SCARA5: variants seen among roughly 807,000 people sequenced by gnomAD.
SCARA5 encodes the protein scavenger receptor class A, member 5 (putative).
In SCARA5, 45 loss-of-function variants were observed where a neutral mutation model predicts 46.3. The ratio of observed to expected loss-of-function variants is 0.97; its 90% CI spans 0.76 to 1.24. SCARA5 has a LOEUF of 1.24. Among genes scored for constraint, SCARA5 ranks in the 50% most tolerant of loss-of-function variants. The pLI is 0.00. For missense variants in SCARA5, 680 were observed against 689.0 expected (o/e 0.99, Z 0.15); for synonymous variants, 333 against 306.5 (o/e 1.09, Z -0.90).
intron 3 of SCARA5, among the ~76,000 whole-genome samples, chr8:27,951,835 A>C (rs1243000974): frequency 1.3e-5 from 2 of 152,202 alleles, no homozygotes; most frequent in East Asian, 3.9e-4. Context: ...CGAACACACC[A>C]GAGAATTCCA....
chr8:27,921,932 G>A lies in SCARA5; in HGVS notation c.555C>T (p.Leu185=). The stretch of plus-strand genomic sequence containing the variant: ...TGTTGCTCTCCACCTGCAGCTGGTA[G>A]AGCTCCAGCTGCGCCGTGTCGCTCT... ...GQQSDTAQLE[L]YQLQVESNSS... is the part of the protein sequence containing the mutation. The change falls in exon 4 of 9, where the codon CTC becomes CTT. Residue 185 remains leucine, a synonymous_variant. Coordinates refer to ENST00000354914, the MANE Select transcript of SCARA5 (RefSeq NM_173833.6). The A allele has an allele frequency of 6.5e-7, 1 of 1,536,608 alleles. No individual in the cohort carries two copies. Among genetic ancestry groups the A allele is most frequent in the African/African-American group, 1.4e-5 (1 of 71,252 alleles).
chr8:27,986,419 G>C lies in SCARA5; in HGVS notation c.112+1085C>G, dbSNP rs114369574. On this transcript the variant is annotated intron_variant, in intron 2 of 8. Coordinates refer to ENST00000354914, the MANE Select transcript of SCARA5 (RefSeq NM_173833.6). Reference sequence around the variant, plus strand: ...CTTCTACTGGGATCATAAGCCCTTTGAGGACAGAGATTTTTTAATTTGTGT... The same window carrying C: ...CTTCTACTGGGATCATAAGCCCTTTCAGGACAGAGATTTTTTAATTTGTGT... Among the ~76,000 whole-genome samples, 1,492 of 152,270 alleles carry C rather than the reference G, an allele frequency of 9.8e-3. 31 individuals carry two copies. Among genetic ancestry groups the C allele is most frequent in the African/African-American group, 0.034 (1,416 of 41,522 alleles).
At chr8:27,973,749 A>G (rs894423102) in intron 2 of SCARA5, among the ~76,000 whole-genome samples, 1 of 152,216 alleles carries the variant, frequency 6.6e-6, no homozygotes, top group Admixed American at 6.5e-5. Flanking sequence ...GGCATTTGTC[A>G]TATCAAAAGG....
At chr8:27,882,071 G>C (rs1430868344) in intron 7 of SCARA5, among the ~76,000 whole-genome samples, 1 of 152,150 alleles carries the variant, frequency 6.6e-6, no homozygotes, top group Non-Finnish European at 1.5e-5. Context: ...GGCAACCACT[G>C]ATCTTTTCAC....
At chr8:27,941,993 AT>A (rs998600865) in intron 3 of SCARA5, among the ~76,000 whole-genome samples, 1 of 151,406 alleles carries the variant, frequency 6.6e-6, no homozygotes, top group Non-Finnish European at 1.5e-5. Context: ...CACTCTGCTA[AT>A]TTTTTTGTAT....
At chr8:27,941,531 T>C (rs1807944650) in intron 3 of SCARA5, among the ~76,000 whole-genome samples, 1 of 152,130 alleles carries the variant, frequency 6.6e-6, no homozygotes, top group Admixed American at 6.6e-5. Context: ...GCAGATATTA[T>C]CTCATTTGAG....
intron 4 of SCARA5, among the ~76,000 whole-genome samples, chr8:27,915,056 C>T (rs2685335): frequency 0.51 from 78,137 of 151,970 alleles, 20,707 homozygotes; most frequent in Non-Finnish European, 0.58. Context: ...GTCAAAACCA[C>T]CCCCAGAACC....
At chr8:27,875,664 A>C (rs1234738593) in intron 8 of SCARA5, among the ~76,000 whole-genome samples, 3 of 152,024 alleles carry the variant, frequency 2.0e-5, no homozygotes, top group Admixed American at 1.3e-4. Context: ...CAGGAGGCCA[A>C]CTAAGAAGAT....
chr8:27,968,507 C>G (rs115996682), intron 2 of SCARA5, among the ~76,000 whole-genome samples: 1 of 152,184 alleles, frequency 6.6e-6, no homozygotes, highest in Admixed American at 6.5e-5. Context: ...TATGTAGGCT[C>G]CTGGTAGCAT....
intron 8 of SCARA5, among the ~76,000 whole-genome samples, chr8:27,877,005 C>T (rs1242003039): frequency 6.6e-6 from 1 of 152,136 alleles, no homozygotes; most frequent in African/African-American, 2.4e-5. Flanking sequence ...CATTAAAACC[C>T]TTGGCACATG....
At chr8:27,970,157 C>G (rs1186219760) in intron 2 of SCARA5, among the ~76,000 whole-genome samples, 2 of 152,184 alleles carry the variant, frequency 1.3e-5, no homozygotes, top group African/African-American at 2.4e-5. Context: ...TGAGCGCCCA[C>G]AGAGAGGCTT....
intron 3 of SCARA5, among the ~76,000 whole-genome samples, chr8:27,939,650 T>C: frequency 6.6e-6 from 1 of 152,184 alleles, no homozygotes; most frequent in East Asian, 1.9e-4. Context: ...ATGAGATGAC[T>C]AACCCAATGG....
intron 4 of SCARA5, among the ~76,000 whole-genome samples, chr8:27,913,780 C>T (rs1807416564): frequency 1.3e-5 from 2 of 152,226 alleles, no homozygotes; most frequent in East Asian, 1.9e-4. Flanking sequence ...GGTGCAGCTT[C>T]CCCTGTCAAG....
At chr8:27,985,774 A>G (rs1022848567) in intron 2 of SCARA5, among the ~76,000 whole-genome samples, 14 of 152,194 alleles carry the variant, frequency 9.2e-5, no homozygotes, top group Non-Finnish European at 1.9e-4. Flanking sequence ...CCTGGGCCCT[A>G]GCATCAGGGA....
At chr8:27,899,941 C>A (rs1309584379) in intron 7 of SCARA5, among the ~76,000 whole-genome samples, 1 of 152,120 alleles carries the variant, frequency 6.6e-6, no homozygotes, top group Non-Finnish European at 1.5e-5. Flanking sequence ...AGTTCAAGAC[C>A]AGCTTGGCCA....
intron 4 of SCARA5, among the ~76,000 whole-genome samples, chr8:27,917,596 A>G (rs1471508110): frequency 6.6e-6 from 1 of 152,172 alleles, no homozygotes; most frequent in African/African-American, 2.4e-5. Flanking sequence ...TCTTGGCTTT[A>G]CGGCCTGCCA....
chr8:27,939,680 G>A (rs1807912251), intron 3 of SCARA5, among the ~76,000 whole-genome samples: 1 of 152,168 alleles, frequency 6.6e-6, no homozygotes. Flanking sequence ...CTAACTGGAT[G>A]GAAGAAGAAA....
intron 4 of SCARA5, among the ~76,000 whole-genome samples, chr8:27,914,872 C>T (rs1807436522): frequency 6.6e-6 from 1 of 152,190 alleles, no homozygotes; most frequent in Non-Finnish European, 1.5e-5. Flanking sequence ...TCAGGAGAAG[C>T]ACCGGGGTTT....
At chr8:27,947,490 AG>A (rs1327345177) in intron 3 of SCARA5, among the ~76,000 whole-genome samples, 2 of 28,452 alleles carry the variant, frequency 7.0e-5, no homozygotes, top group East Asian at 2.2e-3. Flanking sequence ...GTCCACTGAC[AG>A]ATGGATGGAT....
Sources: allele counts gnomAD v4.1 joint callset (sites outside exome capture counted in the v4.1 genomes callset), GRCh38; gene constraint gnomAD v4.1.1; transcripts MANE v1.5; gene names NCBI Gene and HGNC (gene_info 2026-07-23, HGNC 2026-07-21).